COL5A2: variants seen among roughly 807,000 people sequenced by gnomAD.
COL5A2 encodes the protein collagen alpha-2(V) chain.
In COL5A2, 23 loss-of-function variants were observed where a neutral mutation model predicts 208.2. The ratio of observed to expected loss-of-function variants is 0.11; its 90% CI spans 0.08 to 0.16. COL5A2 has a LOEUF of 0.16. Ranked by LOEUF, COL5A2 falls within the 10% of genes least tolerant of loss-of-function variation. The pLI is 1.00. For synonymous variants in COL5A2, 625 were observed against 628.5 expected (o/e 0.99, Z 0.08); for missense variants, 1,590 against 1,956.4 (o/e 0.81, Z 3.53).
At chr2:189,415,635 ATCT>A in the COL5A2 span, among the ~76,000 whole-genome samples, 1 of 152,192 alleles carries the variant, frequency 6.6e-6, no homozygotes, top group East Asian at 1.9e-4. Flanking sequence ...TCCATAAAAT[ATCT>A]TCTTGATGGA....
At chr2:189,085,256 T>C (rs1160752563) in intron 10 of COL5A2, 43 bp from the exon 11 acceptor site, 1 of 1,493,232 alleles carries the variant, frequency 6.7e-7, no homozygotes, top group Non-Finnish European at 9.2e-7. Context: ...AATATTTACC[T>C]TTACTTGCCA....
At chr2:189,433,005 T>C in the COL5A2 span, among the ~76,000 whole-genome samples, 1 of 152,228 alleles carries the variant, frequency 6.6e-6, no homozygotes, top group Admixed American at 6.5e-5. Flanking sequence ...TGCAATCAAA[T>C]TAGAACTCAG....
chr2:189,328,534 C>A, the COL5A2 span, among the ~76,000 whole-genome samples: 2 of 152,202 alleles, frequency 1.3e-5, no homozygotes, highest in Non-Finnish European at 2.9e-5. Flanking sequence ...CCAGTTAATT[C>A]TCCCCTTCCA....
chr2:189,059,073 T>C (rs1262743222), intron 31 of COL5A2, among the ~76,000 whole-genome samples, 180 bp from the exon 32 acceptor site: 1 of 152,194 alleles, frequency 6.6e-6, no homozygotes, highest in Non-Finnish European at 1.5e-5. Context: ...TTACATGTTT[T>C]AGATGAAAAC....
intron 1 of COL5A2, among the ~76,000 whole-genome samples, chr2:189,151,671 C>CTTTTTCTTTTTTTTT (rs1310060978): frequency 2.0e-5 from 3 of 152,088 alleles, no homozygotes; most frequent in African/African-American, 7.2e-5. Flanking sequence ...ATCTGTAACT[C>CTTTTTCTTTTTTTTT]TTTTTCTTAC....
At chr2:189,430,280 G>C in the COL5A2 span, among the ~76,000 whole-genome samples, 1 of 152,144 alleles carries the variant, frequency 6.6e-6, no homozygotes, top group East Asian at 1.9e-4. Flanking sequence ...ATCTAATGGA[G>C]GGGTTCTAAA....
chr2:189,045,363 TGC>T, intron 46 of COL5A2, 131 bp from the exon 47 acceptor site: 1 of 602,686 alleles, frequency 1.7e-6, no homozygotes, highest in Non-Finnish European at 3.0e-6. Context: ...TGTGTGTGTG[TGC>T]ATACTCTTAT....
chr2:189,116,252 C>A (rs1042170686), intron 1 of COL5A2, among the ~76,000 whole-genome samples: 17 of 152,324 alleles, frequency 1.1e-4, no homozygotes, highest in African/African-American at 3.1e-4. Flanking sequence ...ACGTGTCAGT[C>A]TGGATGCCAC....
At chr2:189,429,354 G>A in the COL5A2 span, among the ~76,000 whole-genome samples, 1 of 152,228 alleles carries the variant, frequency 6.6e-6, no homozygotes, top group South Asian at 2.1e-4. Flanking sequence ...ATTCTTATGT[G>A]GGAGAATTTG....
the COL5A2 span, among the ~76,000 whole-genome samples, chr2:189,413,762 A>G: frequency 2.0e-5 from 3 of 151,548 alleles, no homozygotes; most frequent in South Asian, 4.2e-4. Context: ...TTCACAAAAG[A>G]AAAACAGCTT....
At chr2:189,062,049 T>C (rs1013981183) in intron 29 of COL5A2, among the ~76,000 whole-genome samples, 2 of 152,198 alleles carry the variant, frequency 1.3e-5, no homozygotes, top group South Asian at 4.1e-4. Context: ...TTTAGAAAGA[T>C]TTAAACTGCC....
At chr2:189,322,281 A>C in the COL5A2 span, among the ~76,000 whole-genome samples, 1 of 152,214 alleles carries the variant, frequency 6.6e-6, no homozygotes, top group Admixed American at 6.5e-5. Context: ...GAGAAGCAAG[A>C]GCAAACACAT....
At chr2:189,100,168 C>A (rs1361116422) in intron 3 of COL5A2, 29 bp from the exon 4 acceptor site, 2 of 1,586,450 alleles carry the variant, frequency 1.3e-6, no homozygotes, top group Non-Finnish European at 1.7e-6. Context: ...TTCAAAAATT[C>A]AATTAGCACA....
chr2:189,350,673 G>T, the COL5A2 span, among the ~76,000 whole-genome samples: 4 of 152,230 alleles, frequency 2.6e-5, no homozygotes, highest in South Asian at 8.3e-4. Context: ...CTTTCAGCCG[G>T]GCCAAGAGAA....
At chr2:189,068,164 G>A in intron 20 of COL5A2, 51 bp from the exon 21 acceptor site, 1 of 1,600,350 alleles carries the variant, frequency 6.2e-7, no homozygotes, top group Non-Finnish European at 8.6e-7. Flanking sequence ...GTAGCAGTCT[G>A]GGGCCAATGT....
chr2:189,261,911 A>G, the COL5A2 span, among the ~76,000 whole-genome samples: 1 of 152,200 alleles, frequency 6.6e-6, no homozygotes, highest in South Asian at 2.1e-4. Context: ...ACAGAGAGGT[A>G]GGAAAGTTTA....
the COL5A2 span, among the ~76,000 whole-genome samples, chr2:189,419,284 T>C: frequency 6.6e-6 from 1 of 152,180 alleles, no homozygotes; most frequent in Non-Finnish European, 1.5e-5. Context: ...CCCTGTAAAT[T>C]GCTAATTACA....
At chr2:189,075,483 G>C in intron 16 of COL5A2, 46 bp from the exon 17 acceptor site, 2 of 1,477,810 alleles carry the variant, frequency 1.4e-6, no homozygotes, top group Non-Finnish European at 1.9e-6. Context: ...TTACATTTTA[G>C]ACTATATTTT....
intron 2 of COL5A2, among the ~76,000 whole-genome samples, chr2:189,105,305 T>C (rs932427417): frequency 6.6e-6 from 1 of 151,674 alleles, no homozygotes; most frequent in African/African-American, 2.4e-5. Context: ...ATAGAAATTA[T>C]ACCACTTTAC....
Sources: gnomAD v4.1 joint callset for allele counts (sites outside exome capture counted in the v4.1 genomes callset) on GRCh38, gnomAD v4.1.1 for gene constraint, MANE v1.5 for transcripts, NCBI Gene and HGNC (gene_info 2026-07-23, HGNC 2026-07-21) for gene names.